RPS28: variants seen among roughly 807,000 people sequenced by gnomAD.
RPS28 encodes ribosomal protein S28.
Under a neutral mutation model 9.4 loss-of-function variants are expected in RPS28, and 2 were observed. That is an observed-to-expected ratio of 0.21 (90% CI 0.09 to 0.67). The LOEUF is 0.67. RPS28 is among the 30% of genes least tolerant of loss of function. The probability of loss-of-function intolerance (pLI) is 0.82; values close to 1 mark genes in which losing one functional copy is unlikely to be tolerated. For missense variants in RPS28, 35 were observed against 95.3 expected (o/e 0.37, Z 2.63); for synonymous variants, 41 against 37.8 (o/e 1.08, Z -0.31).
chr19:8,321,786 G>A, intron 2 of RPS28, 83 bp downstream of exon 2: 1 of 1,513,852 alleles, frequency 6.6e-7, no homozygotes, highest in Non-Finnish European at 9.0e-7. Context: ...CCTGCCAGCC[G>A]GAATCCGGGA....
intron 2 of RPS28, 103 bp from the exon 3 acceptor site, chr19:8,321,850 T>C: frequency 6.5e-7 from 1 of 1,536,884 alleles, no homozygotes; most frequent in Non-Finnish European, 8.8e-7. Flanking sequence ...CGATCTGTAT[T>C]CTGGCCCCGA....
chr19:8,322,745 G>T lies in RPS28; in HGVS notation c.*490G>T. 1 of 886,400 alleles carries T rather than the reference G, an allele frequency of 1.1e-6. No homozygotes were observed. Among genetic ancestry groups the T allele is most frequent in the Non-Finnish European group, 1.8e-6 (1 of 565,588 alleles). 54.9% of individuals were successfully genotyped at this position (886,400 alleles called of 1,614,324 possible). On this transcript the variant is annotated 3_prime_UTR_variant, in exon 4 of 4. Coordinates refer to ENST00000600659, the MANE Select transcript of RPS28 (RefSeq NM_001031.5). ...CTCTTCGGCCAGTGTTAGCCTCTGA[G>T]CAGGGGACCCTGGACCCTTCTGTGC... is the stretch of plus-strand genomic sequence containing the variant.
chr19:8,321,541 G>T lies in RPS28; in HGVS notation c.11G>T (p.Ser4Ile), dbSNP rs747458268. 3 of 1,587,860 alleles carry T rather than the reference G, an allele frequency of 1.9e-6. No individual in the cohort carries two copies. Among genetic ancestry groups the T allele is most frequent in the Non-Finnish European group, 2.6e-6 (3 of 1,168,898 alleles). The change falls in exon 1 of 4, where the codon AGC (serine) becomes ATC (isoleucine). Residue 4 changes from serine (S) to isoleucine (I), a missense_variant. Around this residue, in one of 2 missense-constraint regions of RPS28, gnomAD observed 25 missense variants for 32.5 expected, o/e 0.77. Coordinates refer to ENST00000600659, the MANE Select transcript of RPS28 (RefSeq NM_001031.5). Reference sequence around the variant, plus strand: ...CGCCGCGCCGCCATCATGGACACCAGCCGTGTGCAGCCTATCAAGCTGGCC... The same window carrying T: ...CGCCGCGCCGCCATCATGGACACCATCCGTGTGCAGCCTATCAAGCTGGCC... MDT[S>I]RVQPIKLARV...
Position 8,322,297 on chromosome 19 carries a change from T to G in RPS28, c.*42T>G. The G allele has an allele frequency of 2.9e-6, 2 of 693,546 alleles. No individual in the cohort carries two copies. The highest frequency in any genetic ancestry group is 2.0e-5 in the Admixed American group (1 of 49,326). 43.0% of individuals were successfully genotyped at this position (693,546 alleles called of 1,614,324 possible). Reference sequence around the variant, plus strand: ...GGTCTTGGATGTCGGGTTCGACCACTTGGCCGATGGGAATGGTCTGTCACA... The same window carrying G: ...GGTCTTGGATGTCGGGTTCGACCACGTGGCCGATGGGAATGGTCTGTCACA... On this transcript the variant is annotated 3_prime_UTR_variant, in exon 4 of 4. Transcript: ENST00000600659.
chr19:8,322,411 T>C lies in RPS28; in HGVS notation c.*156T>C, dbSNP rs1458670781. On this transcript the variant is annotated 3_prime_UTR_variant, in exon 4 of 4. Coordinates refer to ENST00000600659, the MANE Select transcript of RPS28 (RefSeq NM_001031.5). ...TTTCAAGTTAACTCAGGTTCTTGTC[T>C]GGGTTATACGACTAGGGTTTCTCCA... 1 of 550,892 alleles carries C rather than the reference T, an allele frequency of 1.8e-6. No individual in the cohort carries two copies. Among genetic ancestry groups the C allele is most frequent in the South Asian group, 1.5e-5 (1 of 65,310 alleles). 34.1% of individuals were successfully genotyped at this position (550,892 alleles called of 1,614,324 possible).
chr19:8,321,913 C>T (rs1970323468), intron 2 of RPS28, 40 bp from the exon 3 acceptor site: 1 of 1,609,228 alleles, frequency 6.2e-7, no homozygotes, highest in African/African-American at 1.3e-5. Context: ...TTTCCGCGGC[C>T]CGCCCTTACT....
chr19:8,321,658 C>T lies in RPS28; in HGVS notation c.42C>T (p.Val14=). The part of the protein sequence containing the change: ...SRVQPIKLAR[V]TKVLGRTGSQ... Reference sequence around the variant, plus strand: ...TGAACCCAGCTTCTTTCCTCCAGGTCACCAAGGTCCTGGGCAGGACCGGTT... The same window carrying T: ...TGAACCCAGCTTCTTTCCTCCAGGTTACCAAGGTCCTGGGCAGGACCGGTT... The change falls in exon 2 of 4, where the codon GTC becomes GTT. Residue 14 remains valine (V), a splice_region_variant and synonymous_variant. Coordinates refer to ENST00000600659, the MANE Select transcript of RPS28 (RefSeq NM_001031.5). The T allele has an allele frequency of 6.4e-7, 1 of 1,558,278 alleles. No individual in the cohort carries two copies. Among genetic ancestry groups the T allele is most frequent in the Non-Finnish European group, 8.7e-7 (1 of 1,151,392 alleles).
At position 8,321,649 on chromosome 19, in the gene RPS28, C is replaced by T. The variant is rs1186697673; in HGVS notation, c.40-7C>T. The T allele has an allele frequency of 1.3e-6, 2 of 1,556,294 alleles. No homozygotes were observed. The highest frequency in any genetic ancestry group is 2.4e-5 in the South Asian group (2 of 82,654). ...GGCCGGGTCTGAACCCAGCTTCTTT[C>T]CTCCAGGTCACCAAGGTCCTGGGCA... On this transcript the variant is annotated splice_region_variant and splice_polypyrimidine_tract_variant and intron_variant, in intron 1 of 3. Transcript: ENST00000600659.
At chr19:8,322,207 G>A (rs1037693464) in intron 3 of RPS28, 65 bp from the exon 4 acceptor site, 17 of 1,192,036 alleles carry the variant, frequency 1.4e-5, no homozygotes, top group African/African-American at 9.1e-5. Flanking sequence ...ACTGACAAGA[G>A]GGAGGCGGGA....
chr19:8,322,791 ACGAGGAGATCT>A lies in RPS28; in HGVS notation c.*538_*548del. 1 of 1,410,972 alleles carries A rather than the reference ACGAGGAGATCT, an allele frequency of 7.1e-7. No individual in the cohort carries two copies. 87.4% of individuals were successfully genotyped at this position (1,410,972 alleles called of 1,614,324 possible). ...TGTGCGCCAAAGGCTGAGGTGACTG[ACGAGGAGATCT>A]CCCCACAGCTAGGTGTAGTGAGCCA... On this transcript the variant is annotated 3_prime_UTR_variant, in exon 4 of 4. Coordinates refer to ENST00000600659, the MANE Select transcript of RPS28 (RefSeq NM_001031.5).
Position 8,322,747 on chromosome 19 carries a change from A to C in RPS28, c.*492A>C. ...CTTCGGCCAGTGTTAGCCTCTGAGC[A>C]GGGGACCCTGGACCCTTCTGTGCGC... On this transcript the variant is annotated 3_prime_UTR_variant, in exon 4 of 4. Transcript: ENST00000600659. 1.1e-6 allele frequency: 1 copy of C among 915,674 alleles called. No homozygotes were observed. Among genetic ancestry groups the C allele is most frequent in the Non-Finnish European group, 1.7e-6 (1 of 589,250 alleles). The allele number at this position is 915,674 out of a possible 1,614,324, so 56.7% of individuals were successfully genotyped here.
At chr19:8,321,630 G>T in intron 1 of RPS28, 26 bp from the exon 2 acceptor site, 10 of 1,558,018 alleles carry the variant, frequency 6.4e-6, no homozygotes, top group Non-Finnish European at 7.8e-6. Context: ...AACGGGCCGG[G>T]TCTGAACCCA....
At position 8,323,167 on chromosome 19, in the gene RPS28, G is replaced by C. The variant is rs1281326481; in HGVS notation, c.*912G>C. On this transcript the variant is annotated 3_prime_UTR_variant, in exon 4 of 4. Transcript: ENST00000600659. The stretch of plus-strand genomic sequence containing the variant: ...GTTACATTCCGGTGAGTACATCATA[G>C]GTTGAAAGTATTGCAAGTTGAAATG... The C allele has an allele frequency of 5.9e-6, 2 of 341,818 alleles. No individual in the cohort carries two copies. The highest frequency in any genetic ancestry group is 1.1e-5 in the Non-Finnish European group (2 of 188,756). The allele number at this position is 341,818 out of a possible 1,614,324, so 21.2% of individuals were successfully genotyped here. A position where few individuals can be genotyped will look rare whatever the true frequency, so the allele number is the denominator to read the frequency against.
chr19:8,322,393 T>G lies in RPS28; in HGVS notation c.*138T>G. 1.8e-6 allele frequency: 1 copy of G among 565,926 alleles called. No individual in the cohort carries two copies. The highest frequency in any genetic ancestry group is 1.5e-5 in the South Asian group (1 of 65,436). The allele number at this position is 565,926 out of a possible 1,614,324, so 35.1% of individuals were successfully genotyped here. On this transcript the variant is annotated 3_prime_UTR_variant, in exon 4 of 4. Coordinates refer to ENST00000600659, the MANE Select transcript of RPS28 (RefSeq NM_001031.5). ...TTAAATAAAGCGTTTGTGTTTCAAG[T>G]TAACTCAGGTTCTTGTCTGGGTTAT...
At position 8,321,829 on chromosome 19, in the gene RPS28, G is replaced by C. The variant is rs775509156; in HGVS notation, c.88-124G>C. 1.1e-5 allele frequency: 17 copies of C among 1,509,508 alleles called. No individual in the cohort carries two copies. The Admixed American group carries it at 2.9e-4, about 26-fold the overall frequency. 93.5% of individuals were successfully genotyped at this position (1,509,508 alleles called of 1,614,324 possible). On this transcript the variant is annotated intron_variant, in intron 2 of 3. Transcript: ENST00000600659. ...CTCATTTCATCACGGGGTTCTGATGGTTCCCTTTAACGATCTGTATTCTGG... is the reference window on the plus strand; with the variant it reads ...CTCATTTCATCACGGGGTTCTGATGCTTCCCTTTAACGATCTGTATTCTGG...
At position 8,322,454 on chromosome 19, in the gene RPS28, C is replaced by G. The variant is rs942515185; in HGVS notation, c.*199C>G. The G allele has an allele frequency of 5.6e-6, 3 of 537,340 alleles. No homozygotes were observed. The highest frequency in any genetic ancestry group is 3.8e-5 in the African/African-American group (2 of 53,128). The allele number at this position is 537,340 out of a possible 1,614,324, so 33.3% of individuals were successfully genotyped here. On this transcript the variant is annotated 3_prime_UTR_variant, in exon 4 of 4. Transcript: ENST00000600659. ...TTTCTCCAGGTTTCTTGAGTGGCTC[C>G]CAGGCGGTCACCGATCCTCCGCACT...
In RPS28 at chr19:8,321,544, G is replaced by A. The variant is rs1970314994; in HGVS notation, c.14G>A (p.Arg5His). ...CGCGCCGCCATCATGGACACCAGCC[G>A]TGTGCAGCCTATCAAGCTGGCCAGG... The part of the protein sequence containing the change: MDTS[R>H]VQPIKLARVT... The change falls in exon 1 of 4, where the codon CGT becomes CAT. Residue 5 changes from arginine to histidine, a missense_variant. Physicochemically the swap from Arg to His is conservative, Grantham distance 29. Transcript: ENST00000600659. 6.3e-7 allele frequency: 1 copy of A among 1,588,540 alleles called. No homozygotes were observed. The highest frequency in any genetic ancestry group is 8.6e-7 in the Non-Finnish European group (1 of 1,169,268).
At chr19:8,321,799 C>G (rs1448035545) in intron 2 of RPS28, 96 bp downstream of exon 2, 1 of 1,508,886 alleles carries the variant, frequency 6.6e-7, no homozygotes. Context: ...ATCCGGGAGC[C>G]GATTCTCATT....
rs1424780813 is a variant in RPS28, at chr19:8,322,814, G to T, written c.*559G>T. The T allele has an allele frequency of 5.8e-6, 9 of 1,560,534 alleles. No individual in the cohort carries two copies. Among genetic ancestry groups the T allele is most frequent in the Non-Finnish European group, 7.9e-6 (9 of 1,134,296 alleles). ...TGACGAGGAGATCTCCCCACAGCTA[G>T]GTGTAGTGAGCCAGACGAGGCAGCT... On this transcript the variant is annotated 3_prime_UTR_variant, in exon 4 of 4. Transcript: ENST00000600659.
Sources: gnomAD v4.1 joint callset for allele counts on GRCh38, gnomAD v4.1.1 for gene constraint, gnomAD v4.1.1 regional missense constraint, MANE v1.5 for transcripts, NCBI Gene and HGNC (gene_info 2026-07-23, HGNC 2026-07-21) for gene names.